Variants in PTPRD observed in about 807,000 individuals in gnomAD.
PTPRD encodes the protein receptor-type tyrosine-protein phosphatase delta.
A neutral mutation model predicts 214.5 loss-of-function variants in PTPRD; 34 were observed. That is an observed-to-expected ratio of 0.16 (90% CI 0.12 to 0.21). The LOEUF is 0.21. Among genes scored for constraint, PTPRD ranks in the 10% least tolerant of loss-of-function variants. The pLI is 1.00. For synonymous variants in PTPRD, 1,128 were observed against 845.7 expected (o/e 1.33, Z -5.79); for missense variants, 2,545 against 2,398.7 (o/e 1.06, Z -1.27).
chr9:8,970,229 G>A (rs2099228705), intron 11 of PTPRD, among the ~76,000 whole-genome samples: 1 of 151,880 alleles, frequency 6.6e-6, no homozygotes, highest in Admixed American at 6.6e-5. Flanking sequence ...GGGCTTATCA[G>A]CATAATTTAC....
Position 8,389,312 on chromosome 9 carries a change from A to G in PTPRD, c.4306T>C (p.Phe1436Leu). The G allele has an allele frequency of 4.3e-6, 7 of 1,612,942 alleles. No individual in the cohort carries two copies. Among genetic ancestry groups the G allele is most frequent in the Non-Finnish European group, 5.1e-6 (6 of 1,179,304 alleles). ...IATQGSLPET[F>L]GDFWRMIWEQ... is the part of the protein sequence containing the mutation. Reference sequence around the variant, plus strand: ...CATATCATTCTCCAAAAGTCCCCAAATGTTTCGGGGAGAGATCCCTGTGTT... The same window carrying G: ...CATATCATTCTCCAAAAGTCCCCAAGTGTTTCGGGGAGAGATCCCTGTGTT... The change falls in exon 37 of 46, where the codon TTT (phenylalanine) becomes CTT (leucine). Residue 1436 changes from phenylalanine to leucine, a missense_variant. Transcript: ENST00000381196.
Position 8,497,273 on chromosome 9 carries a change from T to G in PTPRD, c.2323-5A>C. 1 of 1,595,062 alleles carries G rather than the reference T, an allele frequency of 6.3e-7. No homozygotes were observed. The highest frequency in any genetic ancestry group is 8.5e-7 in the Non-Finnish European group (1 of 1,172,678). ...AGTAGTATCATCAAATTCCCACTGA[T>G]TGAGAATAAGAAGGTTGGGAGGAAA... On this transcript the variant is annotated splice_region_variant and splice_polypyrimidine_tract_variant and intron_variant, in intron 25 of 45. Coordinates refer to ENST00000381196, the MANE Select transcript of PTPRD (RefSeq NM_002839.4).
In PTPRD at chr9:10,014,791, A is replaced by G. The variant is rs567073899; in HGVS notation, c.-472+18927T>C. ...TATTTTGGCATAAATCTGTATTGCA[A>G]CAAAAGACCTTTGATGTGACTAAGT... is the stretch of plus-strand genomic sequence containing the variant. On this transcript the variant is annotated intron_variant, in intron 4 of 45. Transcript: ENST00000381196. 1.3e-4 allele frequency among the ~76,000 whole-genome samples: 20 copies of G among 152,154 alleles called. No homozygotes were observed. The South Asian group carries it at 4.1e-3, about 32-fold the overall frequency.
chr9:10,096,187 T>G (rs192210293), intron 3 of PTPRD, among the ~76,000 whole-genome samples: 1 of 151,674 alleles, frequency 6.6e-6, no homozygotes, highest in Non-Finnish European at 1.5e-5. Flanking sequence ...ACTACTAGAA[T>G]TGGGCACTGG....
At chr9:9,188,808 TTGTGTGTGTGTGTGTGTG>T (rs5896310) in intron 9 of PTPRD, among the ~76,000 whole-genome samples, 3 of 148,510 alleles carry the variant, frequency 2.0e-5, no homozygotes, top group East Asian at 2.0e-4. Flanking sequence ...GCAAAATAAA[TTGTGTGTGTGTGTGTGTG>T]TGTGTGTGTG....
intron 2 of PTPRD, among the ~76,000 whole-genome samples, chr9:10,417,846 C>A (rs559980585): frequency 3.0e-4 from 45 of 151,786 alleles, no homozygotes; most frequent in African/African-American, 1.1e-3. Context: ...ATATTCAAAT[C>A]TTCCATTAAC....
At chr9:10,261,900 C>G (rs1379773100) in intron 3 of PTPRD, among the ~76,000 whole-genome samples, 1 of 152,036 alleles carries the variant, frequency 6.6e-6, no homozygotes, top group Non-Finnish European at 1.5e-5. Context: ...CAAGCTTCAC[C>G]TTCTAGAATA....
At chr9:9,613,127 CATACATACATATATATATAT>C (rs1361804864) in intron 7 of PTPRD, among the ~76,000 whole-genome samples, 1 of 39,118 alleles carries the variant, frequency 2.6e-5, no homozygotes, top group Non-Finnish European at 5.0e-5. Context: ...CTGCAGTATA[CATACATACATATATATATAT>C]ATATATATAT....
At chr9:10,536,008 G>T (rs1328775675) in intron 2 of PTPRD, among the ~76,000 whole-genome samples, 4 of 152,076 alleles carry the variant, frequency 2.6e-5, no homozygotes, top group African/African-American at 9.7e-5. Flanking sequence ...CGTGAAGAGG[G>T]TATAAAAGAG....
chr9:10,044,981 A>G (rs1186612775), intron 3 of PTPRD, among the ~76,000 whole-genome samples: 1 of 151,766 alleles, frequency 6.6e-6, no homozygotes, highest in East Asian at 1.9e-4. Flanking sequence ...TTCATATTGC[A>G]GCATATAGAG....
chr9:10,338,396 C>T (rs370819519), intron 3 of PTPRD, among the ~76,000 whole-genome samples: 25 of 151,826 alleles, frequency 1.6e-4, no homozygotes, highest in Non-Finnish European at 2.9e-4. Flanking sequence ...TCCTTCCACA[C>T]GCAGACAAAT....
At chr9:9,953,141 G>A (rs918640068) in intron 4 of PTPRD, among the ~76,000 whole-genome samples, 1 of 152,126 alleles carries the variant, frequency 6.6e-6, no homozygotes. Flanking sequence ...CAAAATGGAT[G>A]GTTAATTCTG....
chr9:9,672,148 ATAT>A (rs2096843830), intron 7 of PTPRD, among the ~76,000 whole-genome samples: 1 of 152,174 alleles, frequency 6.6e-6, no homozygotes, highest in Non-Finnish European at 1.5e-5. Context: ...AGCAAGAAGA[ATAT>A]TATTTTTTCA....
intron 3 of PTPRD, among the ~76,000 whole-genome samples, chr9:10,042,446 T>A (rs2097313289): frequency 6.6e-6 from 1 of 151,880 alleles, no homozygotes; most frequent in African/African-American, 2.4e-5. Context: ...CCAGACCATT[T>A]CCTGAGAACC....
At chr9:10,100,405 A>G (rs573474233) in intron 3 of PTPRD, among the ~76,000 whole-genome samples, 23 of 151,748 alleles carry the variant, frequency 1.5e-4, no homozygotes, top group African/African-American at 4.6e-4. Context: ...TGCAAAGCCT[A>G]CTCTCTTAGA....
intron 2 of PTPRD, among the ~76,000 whole-genome samples, chr9:10,408,939 A>C (rs2154504192): frequency 6.6e-6 from 1 of 151,858 alleles, no homozygotes; most frequent in South Asian, 2.1e-4. Context: ...TTGACTATAA[A>C]CCTGTTCAAT....
chr9:9,289,034 C>G (rs1234573727), intron 9 of PTPRD, among the ~76,000 whole-genome samples: 1 of 151,856 alleles, frequency 6.6e-6, no homozygotes, highest in Non-Finnish European at 1.5e-5. Flanking sequence ...TATCCAGTTT[C>G]AGGCATGTCT....
At chr9:10,405,570 T>C (rs1327156068) in intron 2 of PTPRD, among the ~76,000 whole-genome samples, 1 of 151,648 alleles carries the variant, frequency 6.6e-6, no homozygotes, top group Non-Finnish European at 1.5e-5. Context: ...TTTATTCTGC[T>C]CTGACTGTCT....
chr9:9,265,215 T>C (rs925001826), intron 9 of PTPRD, among the ~76,000 whole-genome samples: 9 of 151,638 alleles, frequency 5.9e-5, no homozygotes, highest in Non-Finnish European at 1.3e-4. Flanking sequence ...TGAAAATAAA[T>C]ATAGCTACAA....
Sources: allele counts gnomAD v4.1 joint callset (sites outside exome capture counted in the v4.1 genomes callset), GRCh38; gene constraint gnomAD v4.1.1; transcripts MANE v1.5; gene names NCBI Gene and HGNC (gene_info 2026-07-23, HGNC 2026-07-21).